Variants in PIBF1 observed in about 807,000 individuals in gnomAD.
PIBF1 encodes the protein progesterone-induced-blocking factor 1.
Under a neutral mutation model 112.5 loss-of-function variants are expected in PIBF1, and 90 were observed. That is an observed-to-expected ratio of 0.80 (90% CI 0.67 to 0.95). PIBF1 has a LOEUF of 0.95. PIBF1 is among the 40% of genes least tolerant of loss of function. PIBF1 has a pLI of 0.00. For synonymous variants in PIBF1, 301 were observed against 288.6 expected (o/e 1.04, Z -0.44); for missense variants, 915 against 852.3 (o/e 1.07, Z -0.92).
chr13:72,993,156 C>CA (rs1260810786), intron 16 of PIBF1, among the ~76,000 whole-genome samples: 2 of 151,560 alleles, frequency 1.3e-5, no homozygotes, highest in East Asian at 2.0e-4. Flanking sequence ...CCCATTTATA[C>CA]AAAAAAATAC....
rs571910873 is a variant in PIBF1 at position 72,865,779 on chromosome 13, A to G, written c.1322+11624A>G. Among the ~76,000 whole-genome samples the G allele has an allele frequency of 1.4e-4, 22 of 152,254 alleles. 1 individual carries two copies. The highest frequency in any genetic ancestry group is 2.6e-4 in the Non-Finnish European group (18 of 68,000). Reference sequence around the variant, plus strand: ...GTTCTTTCTGCCACACCAGTATGTTATACTTAGTAAACAGTATATGAAGCA... The same window carrying G: ...GTTCTTTCTGCCACACCAGTATGTTGTACTTAGTAAACAGTATATGAAGCA... On this transcript the variant is annotated intron_variant, in intron 10 of 17. Coordinates refer to ENST00000326291, the MANE Select transcript of PIBF1 (RefSeq NM_006346.4).
chr13:72,912,972 T>C (rs1473470686), intron 12 of PIBF1, among the ~76,000 whole-genome samples: 2 of 151,764 alleles, frequency 1.3e-5, no homozygotes, highest in Non-Finnish European at 1.5e-5. Flanking sequence ...TTATAGTATA[T>C]AGTATGATTA....
intron 10 of PIBF1, among the ~76,000 whole-genome samples, chr13:72,870,617 TA>T (rs1406759062): frequency 2.6e-5 from 4 of 152,154 alleles, no homozygotes; most frequent in African/African-American, 9.7e-5. Flanking sequence ...CTGAAATACA[TA>T]TATACATATT....
intron 10 of PIBF1, among the ~76,000 whole-genome samples, chr13:72,860,311 GTGTGT>G (rs2038635318): frequency 2.1e-3 from 42 of 19,836 alleles, no homozygotes; most frequent in African/African-American, 8.2e-3. Context: ...TTTTAGGGGT[GTGTGT>G]GTGTGTGTGT....
chr13:72,990,145 C>A lies in PIBF1; in HGVS notation c.2050-8677C>A, dbSNP rs368709438. On this transcript the variant is annotated intron_variant, in intron 16 of 17. Coordinates refer to ENST00000326291, the MANE Select transcript of PIBF1 (RefSeq NM_006346.4). ...AGGAGAATCATTTGAACCCAGGAGA[C>A]AGAGGTTGCAGTGAGCTGAGATTGC... is the stretch of plus-strand genomic sequence containing the variant. Among the ~76,000 whole-genome samples, 32 of 140,426 alleles carry A rather than the reference C, an allele frequency of 2.3e-4. 1 individual carries two copies. The East Asian group carries it at 5.6e-3, about 25-fold the overall frequency. The allele number at this position is 140,426 out of a possible 152,430, so 92.1% of individuals were successfully genotyped here.
At chr13:72,828,433 C>A (rs922779781) in intron 8 of PIBF1, among the ~76,000 whole-genome samples, 1 of 152,056 alleles carries the variant, frequency 6.6e-6, no homozygotes, top group African/African-American at 2.4e-5. Context: ...CCTAGCCCCC[C>A]ACTCCCCGAC....
chr13:72,831,975 C>T (rs1242833968), intron 8 of PIBF1, among the ~76,000 whole-genome samples: 4 of 151,254 alleles, frequency 2.6e-5, no homozygotes, highest in African/African-American at 7.3e-5. Flanking sequence ...CTTCCTGCCG[C>T]ATTGATCCCT....
At chr13:72,857,022 A>C (rs1187685088) in intron 10 of PIBF1, among the ~76,000 whole-genome samples, 1 of 152,222 alleles carries the variant, frequency 6.6e-6, no homozygotes, top group African/African-American at 2.4e-5. Flanking sequence ...TTTTTCATGA[A>C]AATGTCAGTT....
In PIBF1 at chr13:72,965,281, G is replaced by GAGCCA; in HGVS notation, c.1843_1847dup (p.Asn616LysfsTer6). ...AAACCTGTGTTTCTTTAGCTTGACA[G>GAGCCA]AGCCAATTCGCTATTAAACCAGACT... On this transcript the variant is annotated frameshift_variant, in exon 15 of 18. Transcript: ENST00000326291. LOFTEE classifies it high-confidence loss of function. 6.2e-7 allele frequency: 1 copy of GAGCCA among 1,608,840 alleles called. No homozygotes were observed. The highest frequency in any genetic ancestry group is 1.1e-5 in the South Asian group (1 of 89,518).
intron 9 of PIBF1, among the ~76,000 whole-genome samples, chr13:72,849,579 T>C (rs141006453): frequency 1.8e-3 from 272 of 152,384 alleles, no homozygotes; most frequent in Non-Finnish European, 3.3e-3. Flanking sequence ...TGTTATATAC[T>C]GTGGGCCATA....
At chr13:72,927,978 C>CATAT (rs201688143) in intron 13 of PIBF1, among the ~76,000 whole-genome samples, 2 of 74,380 alleles carry the variant, frequency 2.7e-5, no homozygotes, top group African/African-American at 9.3e-5. Context: ...TATATATATA[C>CATAT]ATATATATAT....
At chr13:73,011,866 A>G (rs1051458132) in intron 17 of PIBF1, among the ~76,000 whole-genome samples, 3 of 152,214 alleles carry the variant, frequency 2.0e-5, no homozygotes, top group Admixed American at 6.5e-5. Context: ...ACCAGAGTCA[A>G]TTGTGCCATA....
intron 5 of PIBF1, among the ~76,000 whole-genome samples, chr13:72,818,553 T>A (rs1390260364): frequency 6.6e-6 from 1 of 152,136 alleles, no homozygotes; most frequent in African/African-American, 2.4e-5. Flanking sequence ...CTATATTTTT[T>A]ATGTTTTACC....
chr13:72,989,490 C>T (rs78627756), intron 16 of PIBF1, among the ~76,000 whole-genome samples: 11 of 152,058 alleles, frequency 7.2e-5, no homozygotes, highest in African/African-American at 1.7e-4. Flanking sequence ...AAAAAGCAGA[C>T]GGTATATGAT....
chr13:72,927,968 T>TATATACACAC (rs1555316893), intron 13 of PIBF1, among the ~76,000 whole-genome samples: 3 of 122,474 alleles, frequency 2.4e-5, no homozygotes, highest in Admixed American at 9.0e-5. Context: ...TACACATATA[T>TATATACACAC]ATATATATAC....
intron 9 of PIBF1, among the ~76,000 whole-genome samples, chr13:72,853,770 T>C (rs1247604305): frequency 6.6e-6 from 1 of 152,178 alleles, no homozygotes; most frequent in African/African-American, 2.4e-5. Flanking sequence ...CCTATCTCAT[T>C]GGATTCTCGT....
chr13:72,824,126 G>A (rs1383427590), intron 6 of PIBF1, among the ~76,000 whole-genome samples: 3 of 151,542 alleles, frequency 2.0e-5, no homozygotes, highest in Non-Finnish European at 4.4e-5. Context: ...CAATTCTCCT[G>A]CCTCAGCCTC....
chr13:72,820,818 T>G (rs2036523663), intron 5 of PIBF1, among the ~76,000 whole-genome samples: 1 of 152,156 alleles, frequency 6.6e-6, no homozygotes, highest in Non-Finnish European at 1.5e-5. Context: ...CAAGATTTGA[T>G]GAGTTCAAAG....
intron 16 of PIBF1, among the ~76,000 whole-genome samples, chr13:72,985,829 AC>A (rs759039830): frequency 9.2e-5 from 14 of 152,088 alleles, no homozygotes; most frequent in Non-Finnish European, 2.1e-4. Flanking sequence ...AGAATATGCA[AC>A]AAAACCCATC....
Sources: gnomAD v4.1 joint callset for allele counts (sites outside exome capture counted in the v4.1 genomes callset) on GRCh38, gnomAD v4.1.1 for gene constraint, MANE v1.5 for transcripts, NCBI Gene and HGNC (gene_info 2026-07-23, HGNC 2026-07-21) for gene names.